Variants in LRGUK observed in about 807,000 individuals in gnomAD.
LRGUK encodes leucine rich repeats and guanylate kinase domain containing.
LRGUK carries 65 observed loss-of-function variants against 76.0 expected under a neutral mutation model. The observed-to-expected ratio is 0.85, with a 90% CI of 0.70 to 1.05. The LOEUF (loss-of-function observed/expected upper bound fraction) is 1.05, where lower values mean the gene tolerates loss of function less well. Among genes scored for constraint, LRGUK ranks in the 50% least tolerant of loss-of-function variants. LRGUK has a pLI of 0.00. For synonymous variants in LRGUK, 268 were observed against 265.6 expected (o/e 1.01, Z -0.09); for missense variants, 758 against 732.8 (o/e 1.03, Z -0.40).
At chr7:134,192,982 C>A (rs1302225738) in intron 12 of LRGUK, among the ~76,000 whole-genome samples, 2 of 152,166 alleles carry the variant, frequency 1.3e-5, no homozygotes, top group Non-Finnish European at 2.9e-5. Flanking sequence ...ATGGACCTGG[C>A]TTATTCTTCA....
intron 5 of LRGUK, among the ~76,000 whole-genome samples, chr7:134,156,548 A>C (rs770262698): frequency 1.3e-5 from 2 of 152,212 alleles, no homozygotes; most frequent in African/African-American, 2.4e-5. Flanking sequence ...AAGAAAAAGA[A>C]AGTTCTTGGT....
intron 7 of LRGUK, among the ~76,000 whole-genome samples, chr7:134,164,018 C>T (rs910989871): frequency 8.0e-4 from 122 of 152,114 alleles, no homozygotes; most frequent in African/African-American, 2.9e-3. Flanking sequence ...GAGTTTGTTT[C>T]AGAGATAGAT....
intron 16 of LRGUK, among the ~76,000 whole-genome samples, chr7:134,232,485 G>A (rs150953294): frequency 0.02 from 3,021 of 152,056 alleles, 36 homozygotes; most frequent in Non-Finnish European, 0.031. Flanking sequence ...TCACCATGTT[G>A]GCCAGGCTGG....
chr7:134,266,142 G>A (rs987776282), downstream of LRGUK, among the ~76,000 whole-genome samples: 1 of 152,174 alleles, frequency 6.6e-6, no homozygotes, highest in Non-Finnish European at 1.5e-5. Flanking sequence ...CTGGTATGGT[G>A]TCAGAAACGT....
At chr7:134,191,525 C>A (rs942392124) in intron 11 of LRGUK, 130 bp from the exon 12 acceptor site, 15 of 676,808 alleles carry the variant, frequency 2.2e-5, no homozygotes, top group Admixed American at 2.1e-4. Context: ...CATATTCTTA[C>A]AACTGTATTA....
intron 15 of LRGUK, among the ~76,000 whole-genome samples, chr7:134,205,295 T>C (rs1181242886): frequency 5.3e-5 from 8 of 152,138 alleles, no homozygotes; most frequent in African/African-American, 4.8e-5. Flanking sequence ...TTGGTGCGTT[T>C]TACAATCCTC....
At chr7:134,182,988 C>T (rs1799818874) in intron 10 of LRGUK, among the ~76,000 whole-genome samples, 1 of 152,206 alleles carries the variant, frequency 6.6e-6, no homozygotes, top group Admixed American at 6.5e-5. Context: ...TCGAACTCCT[C>T]ACCTCAGGTG....
At chr7:134,139,863 G>T (rs1391549537) in intron 3 of LRGUK, among the ~76,000 whole-genome samples, 3 of 151,852 alleles carry the variant, frequency 2.0e-5, no homozygotes, top group African/African-American at 7.3e-5. Flanking sequence ...CAGTGCAGAT[G>T]AATTAGTCTT....
chr7:134,175,929 C>T (rs1799460220), intron 8 of LRGUK, among the ~76,000 whole-genome samples: 1 of 151,878 alleles, frequency 6.6e-6, no homozygotes, highest in South Asian at 2.1e-4. Context: ...CGAAATATTG[C>T]ATATAAATAA....
At chr7:134,237,304 G>C (rs2544167) in intron 16 of LRGUK, among the ~76,000 whole-genome samples, 10,956 of 151,932 alleles carry the variant, frequency 0.072, 965 homozygotes, top group African/African-American at 0.2. Flanking sequence ...GCGCCTGCCT[G>C]GGCCTCCCAA....
downstream of LRGUK, among the ~76,000 whole-genome samples, chr7:134,269,005 A>T (rs1486357185): frequency 6.6e-6 from 1 of 152,086 alleles, no homozygotes; most frequent in Admixed American, 6.5e-5. Flanking sequence ...TACTGGGATT[A>T]CAGGCATGAG....
chr7:134,238,470 C>T (rs906895270), intron 16 of LRGUK, among the ~76,000 whole-genome samples: 5 of 151,970 alleles, frequency 3.3e-5, no homozygotes, highest in Admixed American at 6.6e-5. Flanking sequence ...TGCTCACATT[C>T]TATTTTTCTT....
chr7:134,146,801 G>C (rs891166360), intron 4 of LRGUK, among the ~76,000 whole-genome samples: 1 of 152,006 alleles, frequency 6.6e-6, no homozygotes, highest in Admixed American at 6.6e-5. Context: ...AAATTTGGGG[G>C]GTGAAATCAC....
chr7:134,251,458 C>T (rs1802443767), intron 18 of LRGUK, among the ~76,000 whole-genome samples: 1 of 152,164 alleles, frequency 6.6e-6, no homozygotes, highest in Non-Finnish European at 1.5e-5. Flanking sequence ...GGACTTTAGG[C>T]CTCCATAACT....
intron 15 of LRGUK, among the ~76,000 whole-genome samples, chr7:134,204,969 G>A (rs1219758239): frequency 1.3e-5 from 2 of 152,214 alleles, no homozygotes; most frequent in Non-Finnish European, 2.9e-5. Context: ...GACCTTCGTG[G>A]TGAGTGTTAC....
At chr7:134,211,974 TCTC>T (rs1334412473), downstream of LRGUK, among the ~76,000 whole-genome samples, 6 of 152,182 alleles carry the variant, frequency 3.9e-5, no homozygotes, top group Non-Finnish European at 8.8e-5. Context: ...CCACTTCTCT[TCTC>T]TGTTTCTTTC....
At chr7:134,147,767 A>G (rs1798037202) in intron 4 of LRGUK, among the ~76,000 whole-genome samples, 1 of 152,122 alleles carries the variant, frequency 6.6e-6, no homozygotes, top group Non-Finnish European at 1.5e-5. Context: ...TCCCAGTTAG[A>G]AAATGATTAA....
intron 16 of LRGUK, among the ~76,000 whole-genome samples, chr7:134,237,053 T>C (rs1297936321): frequency 1.5e-5 from 2 of 131,946 alleles, no homozygotes; most frequent in African/African-American, 6.2e-5. Context: ...TCTCTTTCTT[T>C]TTTTTTTTTT....
At chr7:134,183,799 A>C in exon 11 of LRGUK, 2 of 1,614,158 alleles carry the variant, frequency 1.2e-6, no homozygotes, top group Non-Finnish European at 1.7e-6. Flanking sequence ...GCTTGTGGGA[A>C]ACGAGAGCTT....
Sources: gnomAD v4.1 joint callset for allele counts (sites outside exome capture counted in the v4.1 genomes callset) on GRCh38, gnomAD v4.1.1 for gene constraint, MANE v1.5 for transcripts, NCBI Gene and HGNC (gene_info 2026-07-23, HGNC 2026-07-21) for gene names.